The following PLAAT3 variants were observed in gnomAD, a reference collection of about 807,000 sequenced individuals.
PLAAT3 encodes the protein Ca-independent phospholipase A1/2.
PLAAT3 carries 21 observed loss-of-function variants against 16.7 expected under a neutral mutation model. The observed-to-expected ratio is 1.26, with a 90% CI of 0.89 to 1.81. The LOEUF is 1.81. Ranked by LOEUF, PLAAT3 falls within the 40% of genes most tolerant of loss-of-function variation. The pLI is 0.00. For missense variants in PLAAT3, 219 were observed against 213.7 expected, an observed-to-expected ratio of 1.02 and a Z score of -0.16; for synonymous variants, 76 against 81.7, an observed-to-expected ratio of 0.93 and a Z score of 0.38.
chr11:63,596,272 G>A (rs1938287317), intron 3 of PLAAT3, among the ~76,000 whole-genome samples: 2 of 145,108 alleles, frequency 1.4e-5, no homozygotes, highest in South Asian at 4.4e-4. Flanking sequence ...AAAGAGTTGA[G>A]TGTGTTGCAT....
rs1277635669 is a variant in PLAAT3 at position 63,578,761 on chromosome 11, T to C, written c.388-3715A>G. ...GACTTACATGTTAGACCTAAAACCA[T>C]AAAAACCCTAGAAGAAAACCTAGGC... On this transcript the variant is annotated intron_variant, in intron 4 of 4. Transcript: ENST00000415826. Among the ~76,000 whole-genome samples, 5 of 151,440 alleles carry C rather than the reference T, an allele frequency of 3.3e-5. No homozygotes were observed. The East Asian group carries it at 5.8e-4, about 18-fold the overall frequency.
chr11:63,609,328 T>C (rs1938637632), intron 2 of PLAAT3, among the ~76,000 whole-genome samples: 1 of 152,168 alleles, frequency 6.6e-6, no homozygotes, highest in South Asian at 2.1e-4. Context: ...GAAAAACCCA[T>C]AAGAAGCTAG....
intron 1 of PLAAT3, 88 bp from the exon 2 acceptor site, chr11:63,614,156 C>T (rs1291303754): frequency 1.8e-6 from 2 of 1,130,302 alleles, no homozygotes; most frequent in South Asian, 2.6e-5. Context: ...TTGGGCAGGG[C>T]GTGAGAGGCG....
chr11:63,616,861 T>G (rs1938887619), upstream of PLAAT3: 1 of 151,782 alleles, frequency 6.6e-6, no homozygotes, highest in Admixed American at 6.6e-5. Flanking sequence ...CGGGTGCCTG[T>G]AGTCCCAGCT....
intron 4 of PLAAT3, among the ~76,000 whole-genome samples, chr11:63,589,409 C>CAAAAAAAAAAAAAAAAAAAAAAAAAAA: frequency 3.3e-5 from 1 of 30,750 alleles, no homozygotes; most frequent in Non-Finnish European, 7.9e-5. Flanking sequence ...TTCACCTATG[C>CAAAAAAAAAAAAAAAAAAAAAAAAAAA]AAAGAAAAAA....
chr11:63,615,056 A>ATATATGTGTGTATATGTG (rs1565259551), upstream of PLAAT3, among the ~76,000 whole-genome samples: 1 of 27,866 alleles, frequency 3.6e-5, no homozygotes, highest in African/African-American at 9.7e-5. Context: ...ATATATGTGT[A>ATATATGTGTGTATATGTG]TATATATGTG....
upstream of PLAAT3, chr11:63,616,369 A>G (rs1439483423): frequency 1.3e-5 from 2 of 151,776 alleles, no homozygotes; most frequent in Non-Finnish European, 2.9e-5. Context: ...TGCCTGGCTT[A>G]TTTCACTGAA....
intron 2 of PLAAT3, among the ~76,000 whole-genome samples, chr11:63,608,755 T>C (rs1224549684): frequency 1.3e-5 from 2 of 152,202 alleles, no homozygotes; most frequent in Non-Finnish European, 2.9e-5. Context: ...GAGTGCTCTG[T>C]TTTTAAATCA....
chr11:63,603,529 C>A (rs1180346229), intron 2 of PLAAT3, among the ~76,000 whole-genome samples: 1 of 151,976 alleles, frequency 6.6e-6, no homozygotes, highest in African/African-American at 2.4e-5. Context: ...GCTTAATACC[C>A]AGGTAATGGG....
intron 4 of PLAAT3, among the ~76,000 whole-genome samples, chr11:63,576,323 T>C (rs547671975): frequency 3.3e-5 from 5 of 152,172 alleles, no homozygotes; most frequent in African/African-American, 1.2e-4. Context: ...CAGCACAGTA[T>C]GAAAGAGGTG....
chr11:63,600,533 A>T (rs1938397325), intron 2 of PLAAT3, among the ~76,000 whole-genome samples: 1 of 151,976 alleles, frequency 6.6e-6, no homozygotes, highest in African/African-American at 2.4e-5. Flanking sequence ...GGCGTGAGGG[A>T]ATTTCAGGGG....
rs11231526 is a variant in PLAAT3 at position 63,587,630 on chromosome 11, C to T, written c.387+2470G>A. 1.2e-4 allele frequency among the ~76,000 whole-genome samples: 18 copies of T among 150,924 alleles called. 1 individual carries two copies. In the East Asian group the frequency reaches 3.5e-3, roughly 29 times the overall value. On this transcript the variant is annotated intron_variant, in intron 4 of 4. Coordinates refer to ENST00000415826, the MANE Select transcript of PLAAT3 (RefSeq NM_001128203.2). ...AGTACAGTGGCGTGATCTCGGCTCA[C>T]TGCAACCTCTGCCTCCTGGGTCCAA...
At chr11:63,605,697 C>T (rs548847001) in intron 2 of PLAAT3, among the ~76,000 whole-genome samples, 28 of 151,956 alleles carry the variant, frequency 1.8e-4, no homozygotes, top group Non-Finnish European at 3.1e-4. Context: ...GGACTACAGG[C>T]GCCCGCCACC....
At chr11:63,615,186 A>ATATGTGTG (rs1938824753), upstream of PLAAT3, among the ~76,000 whole-genome samples, 2 of 105,280 alleles carry the variant, frequency 1.9e-5, no homozygotes, top group African/African-American at 7.1e-5. Context: ...ATGTGTGTAT[A>ATATGTGTG]TATATGTGTG....
chr11:63,615,400 G>A (rs923925143), upstream of PLAAT3, among the ~76,000 whole-genome samples: 2 of 13,020 alleles, frequency 1.5e-4, 1 homozygote, highest in African/African-American at 4.0e-4. Flanking sequence ...GTATATATGT[G>A]TGTATATGTG....
intron 4 of PLAAT3, among the ~76,000 whole-genome samples, chr11:63,581,398 G>A (rs970208657): frequency 9.2e-5 from 14 of 152,142 alleles, no homozygotes; most frequent in African/African-American, 3.1e-4. Flanking sequence ...ATAGACGGCC[G>A]CTCTGGGAGT....
intron 3 of PLAAT3, among the ~76,000 whole-genome samples, chr11:63,594,065 T>C (rs561547685): frequency 6.6e-6 from 1 of 152,316 alleles, no homozygotes; most frequent in South Asian, 2.1e-4. Flanking sequence ...GTTTCAGAGA[T>C]AAAGCCAACA....
At chr11:63,615,226 A>ATGTGTGTATATATG (rs60258582), upstream of PLAAT3, among the ~76,000 whole-genome samples, 3 of 45,144 alleles carry the variant, frequency 6.6e-5, no homozygotes, top group African/African-American at 1.7e-4. Flanking sequence ...ATGTGTATAT[A>ATGTGTGTATATATG]TGTGTATATA....
At chr11:63,590,435 C>A (rs553374746) in intron 3 of PLAAT3, 67 bp from the exon 4 acceptor site, 3 of 1,474,722 alleles carry the variant, frequency 2.0e-6, no homozygotes, top group East Asian at 2.3e-5. Context: ...TCAGAGCTGG[C>A]CCCCAGCCGG....
Sources: gnomAD v4.1 joint callset for allele counts (sites outside exome capture counted in the v4.1 genomes callset) on GRCh38, gnomAD v4.1.1 for gene constraint, MANE v1.5 for transcripts, NCBI Gene and HGNC (gene_info 2026-07-23, HGNC 2026-07-21) for gene names.